The following CYSLTR2 variants were observed in gnomAD, a reference collection of about 807,000 sequenced individuals.
CYSLTR2 encodes cysteinyl leukotriene receptor 2.
For synonymous variants in CYSLTR2, 179 were observed against 160.8 expected, an observed-to-expected ratio of 1.11 and a Z score of -0.86; for missense variants, 398 against 411.9, an observed-to-expected ratio of 0.97 and a Z score of 0.29.
At chr13:48,681,673 A>G (rs952742996) in intron 1 of CYSLTR2, among the ~76,000 whole-genome samples, 6 of 152,060 alleles carry the variant, frequency 3.9e-5, no homozygotes, top group Admixed American at 3.3e-4. Context: ...ACCTTTGACA[A>G]GGAACTTACC....
intron 2 of CYSLTR2, among the ~76,000 whole-genome samples, chr13:48,691,726 A>C (rs111329686): frequency 6.7e-4 from 102 of 152,228 alleles, no homozygotes; most frequent in African/African-American, 2.4e-3. Context: ...GGAAAAAGAT[A>C]TTTTGATACA....
At chr13:48,676,880 A>T (rs1333056814) in intron 1 of CYSLTR2, among the ~76,000 whole-genome samples, 1 of 152,248 alleles carries the variant, frequency 6.6e-6, no homozygotes, top group East Asian at 1.9e-4. Context: ...ATATCTGAAA[A>T]GAAAATTCTT....
chr13:48,700,694 G>A (rs1954317721), intron 4 of CYSLTR2, among the ~76,000 whole-genome samples: 3 of 152,262 alleles, frequency 2.0e-5, no homozygotes, highest in Non-Finnish European at 4.4e-5. Context: ...AAGAAATAAA[G>A]GGTATTAAAT....
intron 1 of CYSLTR2, among the ~76,000 whole-genome samples, chr13:48,673,186 T>G (rs915253859): frequency 1.3e-5 from 2 of 152,246 alleles, no homozygotes; most frequent in Admixed American, 6.5e-5. Context: ...CATTTATCTT[T>G]CTAATATTGA....
intron 2 of CYSLTR2, among the ~76,000 whole-genome samples, chr13:48,691,958 T>A (rs1351509462): frequency 6.6e-6 from 1 of 152,094 alleles, no homozygotes; most frequent in Non-Finnish European, 1.5e-5. Context: ...TTGGAAAATC[T>A]AATTATTCCC....
At chr13:48,690,707 G>A (rs1259509113) in intron 1 of CYSLTR2, among the ~76,000 whole-genome samples, 2 of 152,050 alleles carry the variant, frequency 1.3e-5, no homozygotes, top group Non-Finnish European at 2.9e-5. Context: ...AAATTGGCCT[G>A]AAATTTTCTT....
At position 48,706,808 on chromosome 13, in the gene CYSLTR2, T is replaced by C. The variant is rs1566108566; in HGVS notation, c.-1-9T>C. ...AGTAACTTTTTGTGTCTGTTTCTTT[T>C]TAACCCAGCATGGAGAGAAAATTTA... On this transcript the variant is annotated splice_polypyrimidine_tract_variant and intron_variant, in intron 4 of 4. Transcript: ENST00000682523. The C allele has an allele frequency of 6.3e-7, 1 of 1,592,918 alleles. No homozygotes were observed. The highest frequency in any genetic ancestry group is 1.4e-5 in the African/African-American group (1 of 73,780).
intron 1 of CYSLTR2, among the ~76,000 whole-genome samples, chr13:48,656,682 G>A (rs372471066): frequency 3.3e-5 from 5 of 152,148 alleles, no homozygotes; most frequent in South Asian, 2.1e-4. Flanking sequence ...CTTGGGCATC[G>A]TTAGCATTTC....
chr13:48,707,402 T>G lies in CYSLTR2; in HGVS notation c.585T>G (p.Ile195Met), dbSNP rs779762127. The G allele has an allele frequency of 6.2e-7, 1 of 1,614,030 alleles. No individual in the cohort carries two copies. Among genetic ancestry groups the G allele is most frequent in the African/African-American group, 1.3e-5 (1 of 74,916 alleles). Residue 195 changes from isoleucine to methionine, a missense_variant, in exon 5 of 5, where the codon ATT (isoleucine) becomes ATG (methionine). Ile to Met is a conservative substitution (Grantham distance 10, BLOSUM62 1). Coordinates refer to ENST00000682523, the MANE Select transcript of CYSLTR2 (RefSeq NM_001308476.3). ...TSCLELNLYK[I>M]AKLQTMNYIA... is the part of the protein sequence containing the mutation. ...GCTTAGAGCTGAATCTCTATAAAAT[T>G]GCTAAGCTGCAGACCATGAACTATA...
chr13:48,691,383 T>C (rs1954034395), intron 2 of CYSLTR2, 82 bp downstream of exon 2: 1 of 152,062 alleles, frequency 6.6e-6, no homozygotes, highest in Non-Finnish European at 1.5e-5. Flanking sequence ...TGAATGGTGA[T>C]ATTTGAAGGG....
At chr13:48,680,800 C>CTTTTTTTTTTTTTTTTTTTTTTCT (rs139896583) in intron 1 of CYSLTR2, among the ~76,000 whole-genome samples, 2 of 55,048 alleles carry the variant, frequency 3.6e-5, no homozygotes, top group Non-Finnish European at 3.5e-5. Context: ...CTTTTCTTTT[C>CTTTTTTTTTTTTTTTTTTTTTTCT]TTTTTTTTTT....
At chr13:48,706,785 T>C in intron 4 of CYSLTR2, 32 bp from the exon 5 acceptor site, 1 of 1,537,370 alleles carries the variant, frequency 6.5e-7, no homozygotes, top group Non-Finnish European at 8.8e-7. Flanking sequence ...ATTCACAAAG[T>C]AACTTTTTGT....
chr13:48,697,200 C>G (rs1954214474), intron 4 of CYSLTR2, among the ~76,000 whole-genome samples: 1 of 152,142 alleles, frequency 6.6e-6, no homozygotes, highest in Admixed American at 6.5e-5. Flanking sequence ...TGAGAATGGA[C>G]AGACTGCCTC....
intron 1 of CYSLTR2, among the ~76,000 whole-genome samples, chr13:48,674,479 T>C (rs1306340724): frequency 2.0e-5 from 3 of 152,254 alleles, no homozygotes; most frequent in Non-Finnish European, 4.4e-5. Context: ...TCAGGTCTTT[T>C]ATGTTCTGCT....
intron 1 of CYSLTR2, among the ~76,000 whole-genome samples, chr13:48,671,176 G>C (rs1006628729): frequency 6.6e-6 from 1 of 152,164 alleles, no homozygotes; most frequent in Non-Finnish European, 1.5e-5. Flanking sequence ...AGAGTTTTTG[G>C]CTGAGATTAT....
intron 1 of CYSLTR2, among the ~76,000 whole-genome samples, chr13:48,687,131 GA>G (rs1953913133): frequency 6.6e-6 from 1 of 152,066 alleles, no homozygotes; most frequent in Non-Finnish European, 1.5e-5. Context: ...CTGGCCTTAG[GA>G]CTCTAGGGCT....
chr13:48,684,758 G>T (rs1364255418), intron 1 of CYSLTR2, among the ~76,000 whole-genome samples: 1 of 152,166 alleles, frequency 6.6e-6, no homozygotes, highest in Non-Finnish European at 1.5e-5. Flanking sequence ...GTTCTTTGCA[G>T]ATGTAATGTT....
chr13:48,667,444 G>T (rs549324416), intron 1 of CYSLTR2, among the ~76,000 whole-genome samples: 2 of 152,196 alleles, frequency 1.3e-5, no homozygotes, highest in African/African-American at 4.8e-5. Flanking sequence ...TCAGGATGCA[G>T]GTACATAGCT....
chr13:48,702,833 T>A (rs1954385922), intron 4 of CYSLTR2, among the ~76,000 whole-genome samples: 1 of 152,200 alleles, frequency 6.6e-6, no homozygotes. Context: ...ACAAAAAAAC[T>A]TACAAGGATT....
Sources: gnomAD v4.1 joint callset for allele counts (sites outside exome capture counted in the v4.1 genomes callset) on GRCh38, gnomAD v4.1.1 for gene constraint, MANE v1.5 for transcripts, NCBI Gene and HGNC (gene_info 2026-07-23, HGNC 2026-07-21) for gene names.